INSL6: variants seen among roughly 807,000 people sequenced by gnomAD.
The protein encoded by INSL6 is insulin-like peptide INSL6.
In INSL6, 16 loss-of-function variants were observed where a neutral mutation model predicts 9.4. The observed-to-expected ratio is 1.70, with a 90% CI of 1.15 to 2.59. The LOEUF is 2.59. Among genes scored for constraint, INSL6 ranks in the 30% most tolerant of loss-of-function variants. The pLI is 0.00. For missense variants in INSL6, 391 were observed against 257.3 expected, an observed-to-expected ratio of 1.52 and a Z score of -3.56; for synonymous variants, 154 against 96.9, an observed-to-expected ratio of 1.59 and a Z score of -3.46.
chr9:5,174,261 T>C (rs1825249605), intron 1 of INSL6, among the ~76,000 whole-genome samples: 1 of 152,196 alleles, frequency 6.6e-6, no homozygotes, highest in Non-Finnish European at 1.5e-5. Context: ...CTATTTTCTC[T>C]TTTCTGTAAC....
downstream of INSL6, among the ~76,000 whole-genome samples, chr9:5,159,004 A>C (rs1824870197): frequency 6.6e-6 from 1 of 152,128 alleles, no homozygotes; most frequent in Non-Finnish European, 1.5e-5. Flanking sequence ...ACAAAGTTAA[A>C]GTGTAGAATT....
At chr9:5,184,847 CT>C (rs972400571) in intron 1 of INSL6, among the ~76,000 whole-genome samples, 1 of 152,126 alleles carries the variant, frequency 6.6e-6, no homozygotes, top group African/African-American at 2.4e-5. Flanking sequence ...CCCTTTCCTG[CT>C]TTTTTGAACA....
the INSL6 span, among the ~76,000 whole-genome samples, chr9:5,014,970 A>G: frequency 3.3e-5 from 5 of 151,830 alleles, no homozygotes; most frequent in Non-Finnish European, 5.9e-5. Context: ...ACACATGTAT[A>G]TGCCTAAACA....
chr9:5,128,445 T>G (rs1193014663), intron 3 of INSL6, among the ~76,000 whole-genome samples: 1 of 151,804 alleles, frequency 6.6e-6, no homozygotes, highest in Non-Finnish European at 1.5e-5. Context: ...AGTAAGGAGA[T>G]CTTCCATTTT....
chr9:5,112,292 C>G, the INSL6 span: 1 of 262,548 alleles, frequency 3.8e-6, no homozygotes, highest in South Asian at 4.4e-5. Flanking sequence ...CATGCACATC[C>G]ATGTTGCCCT....
At chr9:5,055,838 A>C in the INSL6 span, 3 of 1,515,996 alleles carry the variant, frequency 2.0e-6, no homozygotes, top group African/African-American at 4.2e-5. Context: ...AGTTCTCAGA[A>C]ATGTGTATTT....
the INSL6 span, chr9:5,041,776 A>G: frequency 2.0e-6 from 1 of 488,102 alleles, no homozygotes; most frequent in African/African-American, 2.0e-5. Context: ...CTGCCCTCCC[A>G]GCCTCAGCTT....
chr9:5,092,597 A>G, the INSL6 span, among the ~76,000 whole-genome samples: 1 of 152,200 alleles, frequency 6.6e-6, no homozygotes, highest in Non-Finnish European at 1.5e-5. Flanking sequence ...ACAGTACCGT[A>G]AGGGAAAGAT....
the INSL6 span, chr9:5,086,115 G>A: frequency 4.4e-6 from 2 of 458,218 alleles, no homozygotes; most frequent in African/African-American, 2.1e-5. Context: ...CGCGGGCATC[G>A]GCAGCGGCGC....
downstream of INSL6, among the ~76,000 whole-genome samples, chr9:5,122,837 A>G (rs1823714302): frequency 6.9e-6 from 1 of 145,108 alleles, no homozygotes; most frequent in Non-Finnish European, 1.5e-5. Flanking sequence ...ATCTAAGTTC[A>G]CAGGTGCCAG....
intron 2 of INSL6, among the ~76,000 whole-genome samples, chr9:5,140,004 G>A (rs973338099): frequency 3.3e-5 from 5 of 152,034 alleles, no homozygotes; most frequent in African/African-American, 1.2e-4. Context: ...TTACAAAGAT[G>A]ACTTGCAAAT....
intron 1 of INSL6, among the ~76,000 whole-genome samples, chr9:5,172,163 C>CCAGAACT (rs1472413704): frequency 6.6e-6 from 1 of 152,104 alleles, no homozygotes; most frequent in African/African-American, 2.4e-5. Flanking sequence ...AATTTCTGTT[C>CCAGAACT]CAGAACTCAG....
intron 2 of INSL6, among the ~76,000 whole-genome samples, chr9:5,147,672 TTCTC>T (rs1479494338): frequency 1.4e-5 from 2 of 141,502 alleles, no homozygotes; most frequent in East Asian, 2.0e-4. Flanking sequence ...CTTATTCTCT[TTCTC>T]TCTCAGGAAT....
intron 1 of INSL6, among the ~76,000 whole-genome samples, chr9:5,168,417 C>G (rs1463765707): frequency 6.6e-6 from 1 of 152,056 alleles, no homozygotes; most frequent in African/African-American, 2.4e-5. Context: ...AACACGTGAA[C>G]TTCACGATGC....
At chr9:5,184,388 T>C (rs1197974860) in intron 1 of INSL6, among the ~76,000 whole-genome samples, 1 of 152,212 alleles carries the variant, frequency 6.6e-6, no homozygotes, top group East Asian at 1.9e-4. Context: ...CAAATCATAC[T>C]GGGACTAAAA....
chr9:5,096,358 A>G, the INSL6 span, among the ~76,000 whole-genome samples: 1 of 152,184 alleles, frequency 6.6e-6, no homozygotes, highest in African/African-American at 2.4e-5. Context: ...GCAAAACTCT[A>G]TTCTGCATCA....
the INSL6 span, among the ~76,000 whole-genome samples, chr9:5,016,466 A>G: frequency 5.8e-4 from 89 of 152,336 alleles, no homozygotes; most frequent in Non-Finnish European, 1.0e-3. Flanking sequence ...ATTGCAAAAT[A>G]TATGAAGAAA....
chr9:5,157,918 G>C (rs563264179), intron 2 of INSL6, among the ~76,000 whole-genome samples: 20 of 152,054 alleles, frequency 1.3e-4, no homozygotes, highest in African/African-American at 4.8e-4. Flanking sequence ...ATTCAAAAGA[G>C]CTGTTTTAAG....
chr9:5,088,341 A>ATAAC, the INSL6 span, among the ~76,000 whole-genome samples: 1 of 152,224 alleles, frequency 6.6e-6, no homozygotes, highest in African/African-American at 2.4e-5. Flanking sequence ...CTTCAAGTAT[A>ATAAC]TAACTGAAAA....
Sources: gnomAD v4.1 joint callset for allele counts (sites outside exome capture counted in the v4.1 genomes callset) on GRCh38, gnomAD v4.1.1 for gene constraint, MANE v1.5 for transcripts, NCBI Gene and HGNC (gene_info 2026-07-23, HGNC 2026-07-21) for gene names.